Variants in HECTD4 observed in about 807,000 individuals in gnomAD.
HECTD4 encodes HECT domain E3 ubiquitin protein ligase 4.
HECTD4 carries 114 observed loss-of-function variants against 471.5 expected under a neutral mutation model. The observed-to-expected ratio is 0.24, with a 90% confidence interval of 0.21 to 0.28. The LOEUF is 0.28. Among genes scored for constraint, HECTD4 ranks in the 10% least tolerant of loss-of-function variants. The pLI is 1.00. For synonymous variants in HECTD4, 2,012 were observed against 2,256.0 expected, an observed-to-expected ratio of 0.89 and a Z score of 3.07; for missense variants, 3,866 against 5,651.5, an observed-to-expected ratio of 0.68 and a Z score of 10.13.
At chr12:112,374,955 T>A (rs1404748296) in intron 1 of HECTD4, among the ~76,000 whole-genome samples, 2 of 152,224 alleles carry the variant, frequency 1.3e-5, no homozygotes, top group East Asian at 3.8e-4. Context: ...ATTTAAAGTG[T>A]GTGATTTAAT....
At chr12:112,372,409 G>A (rs1382479595) in intron 1 of HECTD4, among the ~76,000 whole-genome samples, 2 of 151,970 alleles carry the variant, frequency 1.3e-5, no homozygotes, top group Non-Finnish European at 2.9e-5. Context: ...ACAGGTGCCC[G>A]CCACCATGCC....
chr12:112,355,982 C>T (rs904753021), intron 1 of HECTD4, among the ~76,000 whole-genome samples: 1 of 151,976 alleles, frequency 6.6e-6, no homozygotes, highest in Non-Finnish European at 1.5e-5. Context: ...TCTAAGGACT[C>T]TTGGATTATA....
intron 1 of HECTD4, among the ~76,000 whole-genome samples, chr12:112,376,862 C>T (rs2135770787): frequency 6.6e-6 from 1 of 152,268 alleles, no homozygotes; most frequent in South Asian, 2.1e-4. Flanking sequence ...CCTGTAATCC[C>T]AACTCTTTGG....
intron 66 of HECTD4, among the ~76,000 whole-genome samples, chr12:112,174,814 T>TG (rs1274672758): frequency 2.0e-5 from 3 of 152,222 alleles, no homozygotes; most frequent in South Asian, 2.1e-4. Context: ...CCCAAAGTGC[T>TG]GGGATTACAG....
intron 1 of HECTD4, among the ~76,000 whole-genome samples, chr12:112,368,983 C>T (rs887560833): frequency 6.6e-6 from 1 of 152,218 alleles, no homozygotes; most frequent in Non-Finnish European, 1.5e-5. Context: ...GAGCACACTT[C>T]GGGAGCCAAT....
chr12:112,324,089 T>TCTTTCTTC (rs2035687543), intron 1 of HECTD4, among the ~76,000 whole-genome samples: 1 of 92,434 alleles, frequency 1.1e-5, no homozygotes, highest in South Asian at 4.1e-4. Context: ...TTTCTTTCTT[T>TCTTTCTTC]CTTTCTTTCT....
At position 112,216,892 on chromosome 12, in the gene HECTD4, G is replaced by T. The variant is rs771589029; in HGVS notation, c.7266C>A (p.Ile2422=). The T allele has an allele frequency of 1.2e-6, 2 of 1,613,966 alleles. No individual in the cohort carries two copies. Among genetic ancestry groups the T allele is most frequent in the Non-Finnish European group, 1.7e-6 (2 of 1,179,870 alleles). ...CATCATCGGTGTCTCCATAGGAAAC[G>T]ATTTCAATTTCCCAGTAAAAAGACG... is the stretch of plus-strand genomic sequence containing the variant. The part of the protein sequence containing the change: ...QAPSFYWEIE[I]VSYGDTDDDT... The change falls in exon 47 of 76, where the codon ATC becomes ATA. Residue 2422 remains isoleucine (I), a synonymous_variant. Coordinates refer to ENST00000682272, the MANE Select transcript of HECTD4 (RefSeq NM_001388303.1).
intron 35 of HECTD4, among the ~76,000 whole-genome samples, chr12:112,236,249 G>A (rs1453817620): frequency 1.3e-5 from 2 of 152,214 alleles, no homozygotes; most frequent in African/African-American, 2.4e-5. Flanking sequence ...TTGGATCCTG[G>A]TAAACCAGGT....
At chr12:112,332,161 C>A (rs1308683606) in intron 1 of HECTD4, among the ~76,000 whole-genome samples, 1 of 151,666 alleles carries the variant, frequency 6.6e-6, no homozygotes, top group Admixed American at 6.6e-5. Context: ...CTGGTATGCA[C>A]AAAGCATAAT....
At chr12:112,258,417 C>A in intron 20 of HECTD4, 79 bp downstream of exon 20, 1 of 1,011,108 alleles carries the variant, frequency 9.9e-7, no homozygotes, top group South Asian at 2.0e-5. Flanking sequence ...TGCTAAAAAT[C>A]ATTTTCATAA....
chr12:112,376,482 G>A (rs1250513169), intron 1 of HECTD4, among the ~76,000 whole-genome samples: 4 of 152,066 alleles, frequency 2.6e-5, no homozygotes, highest in Non-Finnish European at 5.9e-5. Flanking sequence ...TCCTGACCTC[G>A]TGATCTGCCC....
At chr12:112,377,153 C>A (rs1408144705) in intron 1 of HECTD4, among the ~76,000 whole-genome samples, 2 of 151,836 alleles carry the variant, frequency 1.3e-5, no homozygotes, top group Admixed American at 6.6e-5. Context: ...TAAAACAGGA[C>A]AGTTGGCTGA....
intron 1 of HECTD4, among the ~76,000 whole-genome samples, chr12:112,324,279 A>T (rs1273488472): frequency 6.7e-6 from 1 of 150,264 alleles, no homozygotes; most frequent in Non-Finnish European, 1.5e-5. Flanking sequence ...GCCACTATGC[A>T]GCTAATTTTT....
Position 112,228,614 on chromosome 12 carries a change from G to A in HECTD4, c.6684+33C>T. The A allele has an allele frequency of 6.3e-7, 1 of 1,578,498 alleles. No individual in the cohort carries two copies. Among genetic ancestry groups the A allele is most frequent in the Non-Finnish European group, 8.6e-7 (1 of 1,162,820 alleles). On this transcript the variant is annotated intron_variant, in intron 42 of 75. Coordinates refer to ENST00000682272, the MANE Select transcript of HECTD4 (RefSeq NM_001388303.1). The surrounding 1 kb of genome is among the most constrained non-coding windows in gnomAD (Gnocchi z 4.9). The stretch of plus-strand genomic sequence containing the variant: ...CATTACAGTACAGTTACCATTGGCA[G>A]ACATTTTACAAAGCATTTAAAAATC...
At chr12:112,250,481 G>A in intron 24 of HECTD4, 104 bp from the exon 25 acceptor site, 1 of 810,318 alleles carries the variant, frequency 1.2e-6, no homozygotes, top group Non-Finnish European at 2.0e-6. Context: ...ATCACATTCT[G>A]TGTTAAGTAA....
chr12:112,297,389 G>T (rs182993703), intron 7 of HECTD4, among the ~76,000 whole-genome samples: 1 of 151,634 alleles, frequency 6.6e-6, no homozygotes, highest in African/African-American at 2.4e-5. Flanking sequence ...GGTGCAGAAG[G>T]TATAGGTGCA....
At chr12:112,219,750 C>T (rs193235087) in intron 44 of HECTD4, among the ~76,000 whole-genome samples, 1 of 152,030 alleles carries the variant, frequency 6.6e-6, no homozygotes, top group Non-Finnish European at 1.5e-5. Flanking sequence ...CAGGCACATG[C>T]CACCGCGCCC....
chr12:112,372,739 T>G (rs1284587285), intron 1 of HECTD4, among the ~76,000 whole-genome samples: 9 of 152,012 alleles, frequency 5.9e-5, no homozygotes, highest in Non-Finnish European at 1.3e-4. Flanking sequence ...CACATCCATC[T>G]TATTATTATT....
At chr12:112,370,519 T>C (rs112359921) in intron 1 of HECTD4, among the ~76,000 whole-genome samples, 3 of 152,274 alleles carry the variant, frequency 2.0e-5, no homozygotes, top group African/African-American at 4.8e-5. Flanking sequence ...GATCAAAACA[T>C]ATCCTTGAGT....
Sources: gnomAD v4.1 joint callset for allele counts (sites outside exome capture counted in the v4.1 genomes callset) on GRCh38, gnomAD v4.1.1 for gene constraint, Gnocchi (gnomAD v3.1) non-coding constraint, MANE v1.5 for transcripts, NCBI Gene and HGNC (gene_info 2026-07-23, HGNC 2026-07-21) for gene names.